ALG13: variants seen among roughly 807,000 people sequenced by gnomAD.
ALG13 encodes the protein UDP-N-acetylglucosamine transferase subunit ALG13.
Under a neutral mutation model 87.8 loss-of-function variants are expected in ALG13, and 11 were observed. The observed-to-expected ratio is 0.13, with a 90% CI of 0.08 to 0.21. The LOEUF is 0.21. Ranked by LOEUF, ALG13 falls within the 10% of genes least tolerant of loss-of-function variation. The probability of loss-of-function intolerance (pLI) is 1.00; values close to 1 mark genes in which losing one functional copy is unlikely to be tolerated. For synonymous variants in ALG13, 320 were observed against 306.3 expected (o/e 1.04, Z -0.47); for missense variants, 756 against 866.1 (o/e 0.87, Z 1.60).
chrX:111,681,854 T>TC (rs1933412423), intron 1 of ALG13: 1 of 891,241 alleles, frequency 1.1e-6, no homozygotes, highest in East Asian at 5.5e-5. Context: ...GTGCCTGGGT[T>TC]CCCCCCGAGT....
intron 3 of ALG13, chrX:111,688,326 G>GT (rs1351342261): frequency 4.2e-6 from 3 of 716,681 alleles, no homozygotes; most frequent in Non-Finnish European, 4.9e-6. Context: ...AATGTAGTTA[G>GT]TTTGATACTC....
chrX:111,688,501 G>A (rs1455957449), intron 3 of ALG13: 1 of 746,520 alleles, frequency 1.3e-6, no homozygotes, highest in Non-Finnish European at 1.6e-6. Flanking sequence ...GATCAAGTTA[G>A]TTGATCTCTT....
At chrX:111,743,420 A>C (rs1215243182) in intron 23 of ALG13, among the ~76,000 whole-genome samples, 5 of 112,058 alleles carry the variant, frequency 4.5e-5, no homozygotes, top group Non-Finnish European at 9.4e-5. Flanking sequence ...TTAAAAACTT[A>C]CTGTTTAATT....
intron 24 of ALG13, among the ~76,000 whole-genome samples, chrX:111,749,173 TA>T (rs1212873792): frequency 8.9e-6 from 1 of 112,098 alleles, no homozygotes; most frequent in Non-Finnish European, 1.9e-5. Flanking sequence ...TGTTTTCCTT[TA>T]AAAGCTTAAT....
intron 8 of ALG13, 93 bp downstream of exon 8, chrX:111,713,390 G>GA: frequency 1.7e-6 from 1 of 572,373 alleles, no homozygotes; most frequent in South Asian, 2.8e-5. Context: ...CCTAATTAAT[G>GA]AAAAGCATAG....
Position 111,717,829 on chromosome X carries a change from T to C in ALG13, c.1006-17T>C. Reference sequence around the variant, plus strand: ...ATGTGTAACATTCACTTAATTGTTCTGTGTGTTTTTCTTTAGATTCTACTC... The same window carrying C: ...ATGTGTAACATTCACTTAATTGTTCCGTGTGTTTTTCTTTAGATTCTACTC... On this transcript the variant is annotated splice_polypyrimidine_tract_variant and intron_variant, in intron 8 of 26. Transcript: ENST00000394780. 1 of 1,113,646 alleles carries C rather than the reference T, an allele frequency of 9.0e-7. No individual in the cohort carries two copies. The allele number at this position is 1,113,646 out of a possible 1,213,427, so 91.8% of individuals were successfully genotyped here. A position where few individuals can be genotyped will look rare whatever the true frequency, so the allele number is the denominator to read the frequency against.
chrX:111,721,730 G>C lies in ALG13; in HGVS notation c.1435+19G>C, dbSNP rs1451510475. 2 of 1,062,671 alleles carry C rather than the reference G, an allele frequency of 1.9e-6. No homozygotes were observed. The highest frequency in any genetic ancestry group is 3.7e-5 in the African/African-American group (2 of 53,796). 87.6% of individuals were successfully genotyped at this position (1,062,671 alleles called of 1,213,427 possible). ...AGAAAAGGTAAAGAAATATCAACAG[G>C]ATACTTTTGAATCCTGACAAATCCA... On this transcript the variant is annotated intron_variant, in intron 12 of 26. Transcript: ENST00000394780.
chrX:111,697,598 C>A (rs911969915), intron 3 of ALG13, among the ~76,000 whole-genome samples: 3 of 112,006 alleles, frequency 2.7e-5, no homozygotes, highest in Admixed American at 9.5e-5. Flanking sequence ...TGCGATATTT[C>A]AAAGGACAGT....
intron 23 of ALG13, among the ~76,000 whole-genome samples, chrX:111,741,248 C>T (rs996617750): frequency 2.7e-5 from 3 of 111,332 alleles, no homozygotes; most frequent in Admixed American, 9.6e-5. Flanking sequence ...CAGAACTTGT[C>T]AGGAAATGGG....
chrX:111,732,015 CGTT>C, intron 21 of ALG13, among the ~76,000 whole-genome samples: 1 of 111,565 alleles, frequency 9.0e-6, no homozygotes, highest in Admixed American at 9.6e-5. Context: ...CACTGTTTGT[CGTT>C]GTTCAAACCA....
At chrX:111,689,589 G>T (rs898767291) in intron 3 of ALG13, 1 of 752,375 alleles carries the variant, frequency 1.3e-6, no homozygotes, top group Non-Finnish European at 1.6e-6. Context: ...GTGGAATTTT[G>T]TATCGATTTT....
intron 24 of ALG13, among the ~76,000 whole-genome samples, chrX:111,745,620 C>T (rs1482175053): frequency 9.1e-6 from 1 of 109,849 alleles, no homozygotes; most frequent in African/African-American, 3.3e-5. Flanking sequence ...CCTGTTACTT[C>T]TGTGTAGTTT....
chrX:111,711,557 ATACT>A (rs1466175618), intron 5 of ALG13, 114 bp from the exon 6 acceptor site: 3 of 594,476 alleles, frequency 5.0e-6, no homozygotes, highest in Admixed American at 3.6e-5. Context: ...TGCAAAGTAG[ATACT>A]TACACCATAA....
At chrX:111,703,784 T>C (rs1364408851) in intron 3 of ALG13, among the ~76,000 whole-genome samples, 2 of 112,302 alleles carry the variant, frequency 1.8e-5, no homozygotes, top group Non-Finnish European at 1.9e-5. Context: ...ATGTTTAGAT[T>C]GTTTCCAGTT....
chrX:111,717,748 TACTG>T (rs1940840318), intron 8 of ALG13, 94 bp from the exon 9 acceptor site: 9 of 549,059 alleles, frequency 1.6e-5, no homozygotes, highest in African/African-American at 2.4e-5. Context: ...AGTTATCAGT[TACTG>T]ACTACTGACT....
intron 3 of ALG13, among the ~76,000 whole-genome samples, chrX:111,706,040 A>C (rs748767434): frequency 8.9e-6 from 1 of 111,924 alleles, no homozygotes; most frequent in Admixed American, 9.4e-5. Flanking sequence ...GAAACAAATT[A>C]ACTTTTAAAT....
chrX:111,702,905 G>A (rs955571570), intron 3 of ALG13, among the ~76,000 whole-genome samples: 1 of 110,456 alleles, frequency 9.1e-6, no homozygotes, highest in Non-Finnish European at 1.9e-5. Context: ...TAGAAATAAA[G>A]GTTGGAAATA....
chrX:111,744,036 A>C (rs1161848412), intron 23 of ALG13, among the ~76,000 whole-genome samples: 1 of 111,817 alleles, frequency 8.9e-6, no homozygotes. Context: ...ATTACATCTG[A>C]ATTTCTTATG....
chrX:111,727,160 A>G (rs1942156493), intron 16 of ALG13, 105 bp downstream of exon 16: 1 of 1,012,553 alleles, frequency 9.9e-7, no homozygotes, highest in Non-Finnish European at 1.4e-6. Context: ...TCTGTGACAT[A>G]CAGACTGTAT....
Sources: gnomAD v4.1 joint callset for allele counts (sites outside exome capture counted in the v4.1 genomes callset) on GRCh38, gnomAD v4.1.1 for gene constraint, MANE v1.5 for transcripts, NCBI Gene and HGNC (gene_info 2026-07-23, HGNC 2026-07-21) for gene names.